Variants in CACNA2D3 observed in about 807,000 individuals in gnomAD.
CACNA2D3 encodes the protein voltage-dependent calcium channel subunit alpha-2/delta-3.
CACNA2D3 carries 60 observed loss-of-function variants against 160.6 expected under a neutral mutation model. The ratio of observed to expected loss-of-function variants is 0.37; its 90% CI spans 0.30 to 0.46. The LOEUF (loss-of-function observed/expected upper bound fraction) is 0.46, where lower values mean the gene tolerates loss of function less well. CACNA2D3 is among the 20% of genes least tolerant of loss of function. CACNA2D3 has a pLI of 1.00. For missense variants in CACNA2D3, 1,205 were observed against 1,365.0 expected, an observed-to-expected ratio of 0.88 and a Z score of 1.85; for synonymous variants, 558 against 492.9, an observed-to-expected ratio of 1.13 and a Z score of -1.75.
intron 2 of CACNA2D3, among the ~76,000 whole-genome samples, chr3:54,317,895 A>G (rs1306451009): frequency 6.6e-6 from 1 of 152,196 alleles, no homozygotes; most frequent in African/African-American, 2.4e-5. Context: ...CTCCTGTGAT[A>G]ACAGCATTAA....
chr3:55,003,759 A>G (rs531417542), intron 31 of CACNA2D3, among the ~76,000 whole-genome samples: 21 of 152,296 alleles, frequency 1.4e-4, no homozygotes, highest in South Asian at 6.2e-4. Context: ...TTAATTTTCA[A>G]TCTCTTCCTC....
chr3:54,993,917 TGTG>T (rs1245720476), intron 31 of CACNA2D3, among the ~76,000 whole-genome samples: 9 of 148,346 alleles, frequency 6.1e-5, no homozygotes, highest in African/African-American at 2.0e-4. Flanking sequence ...TGTGTGTGTG[TGTG>T]TTTTGTGTGT....
chr3:55,074,091 C>T (rs770634091), intron 37 of CACNA2D3, 23 bp from the exon 38 acceptor site: 51 of 1,601,716 alleles, frequency 3.2e-5, no homozygotes, highest in Non-Finnish European at 2.6e-6. Context: ...TTCCGTCTAA[C>T]CAACCCCTGC....
intron 3 of CACNA2D3, chr3:54,367,564 G>C: frequency 2.7e-6 from 1 of 370,216 alleles, no homozygotes; most frequent in South Asian, 2.0e-5. Flanking sequence ...CATCAGAGTG[G>C]TAAAAACACC....
chr3:54,684,110 G>A (rs566314940), intron 11 of CACNA2D3, among the ~76,000 whole-genome samples: 40 of 151,436 alleles, frequency 2.6e-4, no homozygotes, highest in Non-Finnish European at 5.3e-4. Flanking sequence ...AGCACACGCC[G>A]CAACCATGCC....
rs556311625 is a variant in CACNA2D3, at chr3:54,219,910, AC to A, written c.204+96317del. Among the ~76,000 whole-genome samples, 6 of 152,244 alleles carry A rather than the reference AC, an allele frequency of 3.9e-5. No individual in the cohort carries two copies. The South Asian group carries it at 1.3e-3, about 32-fold the overall frequency. On this transcript the variant is annotated intron_variant, in intron 2 of 37. Transcript: ENST00000474759. Reference sequence around the variant, plus strand: ...AAGAATTCTTCTTAATTAAAAAAAAACTACTATCTTTCCTTACTAACCGAGA... The same window carrying A: ...AAGAATTCTTCTTAATTAAAAAAAAATACTATCTTTCCTTACTAACCGAGA...
chr3:54,323,683 G>T (rs191397389), intron 3 of CACNA2D3, among the ~76,000 whole-genome samples: 1 of 152,054 alleles, frequency 6.6e-6, no homozygotes, highest in Non-Finnish European at 1.5e-5. Context: ...AGCCAGGATG[G>T]TCTCGATCTC....
intron 17 of CACNA2D3, among the ~76,000 whole-genome samples, chr3:54,870,882 A>AT (rs2106819345): frequency 1.3e-5 from 2 of 152,258 alleles, no homozygotes; most frequent in Non-Finnish European, 2.9e-5. Flanking sequence ...AGCTCTGGAG[A>AT]TCAGTGCTTT....
intron 29 of CACNA2D3, among the ~76,000 whole-genome samples, chr3:54,980,132 T>C (rs1276233032): frequency 6.6e-6 from 1 of 152,220 alleles, no homozygotes; most frequent in African/African-American, 2.4e-5. Flanking sequence ...AGTTTTACCT[T>C]TGCATTAGTG....
At chr3:54,744,074 T>TA (rs1468600522) in intron 11 of CACNA2D3, among the ~76,000 whole-genome samples, 1 of 152,202 alleles carries the variant, frequency 6.6e-6, no homozygotes, top group Non-Finnish European at 1.5e-5. Flanking sequence ...CAGTGATGCC[T>TA]ATTCTGTCTC....
At chr3:54,578,884 C>T (rs763524300) in intron 8 of CACNA2D3, among the ~76,000 whole-genome samples, 9 of 152,222 alleles carry the variant, frequency 5.9e-5, no homozygotes, top group Non-Finnish European at 1.2e-4. Flanking sequence ...AGTTTCAGGT[C>T]TGTTGCCTCA....
At chr3:54,733,961 G>GAA (rs1031906029) in intron 11 of CACNA2D3, among the ~76,000 whole-genome samples, 1 of 143,652 alleles carries the variant, frequency 7.0e-6, no homozygotes. Context: ...CAGTGAGATT[G>GAA]AAAAAAAAAA....
At chr3:54,602,305 C>T (rs1703074996) in intron 9 of CACNA2D3, among the ~76,000 whole-genome samples, 1 of 152,022 alleles carries the variant, frequency 6.6e-6, no homozygotes, top group African/African-American at 2.4e-5. Flanking sequence ...AGAGACCAGC[C>T]TGGCCAACAT....
chr3:54,761,586 A>G (rs547178794), intron 12 of CACNA2D3, among the ~76,000 whole-genome samples: 2 of 152,326 alleles, frequency 1.3e-5, no homozygotes, highest in East Asian at 3.9e-4. Context: ...CTAGAGCAGC[A>G]TTCCAAATGG....
intron 5 of CACNA2D3, among the ~76,000 whole-genome samples, chr3:54,515,441 A>G (rs773327782): frequency 9.9e-5 from 15 of 152,196 alleles, no homozygotes; most frequent in Non-Finnish European, 2.1e-4. Context: ...GAACACAGCT[A>G]TCTGATAAAA....
At chr3:54,227,569 CG>C (rs1319263275) in intron 2 of CACNA2D3, among the ~76,000 whole-genome samples, 3 of 92,050 alleles carry the variant, frequency 3.3e-5, no homozygotes, top group Admixed American at 2.6e-4. Flanking sequence ...GGGGAGGGGG[CG>C]GGGGGGCAGA....
At chr3:55,060,657 G>T (rs1303284257) in intron 35 of CACNA2D3, among the ~76,000 whole-genome samples, 1 of 152,036 alleles carries the variant, frequency 6.6e-6, no homozygotes, top group African/African-American at 2.4e-5. Flanking sequence ...TATAAGAAAA[G>T]ACATTAATAG....
At chr3:54,285,310 G>A (rs865874566) in intron 2 of CACNA2D3, among the ~76,000 whole-genome samples, 22 of 152,164 alleles carry the variant, frequency 1.4e-4, no homozygotes, top group Admixed American at 5.2e-4. Flanking sequence ...AGGGTCCTAC[G>A]CCCACGAAGT....
chr3:54,275,371 A>C (rs1702712395), intron 2 of CACNA2D3, among the ~76,000 whole-genome samples: 1 of 150,960 alleles, frequency 6.6e-6, no homozygotes, highest in African/African-American at 2.4e-5. Context: ...TGAAACTTAG[A>C]TTTTTTCTTA....
Sources: allele counts gnomAD v4.1 joint callset (sites outside exome capture counted in the v4.1 genomes callset), GRCh38; gene constraint gnomAD v4.1.1; transcripts MANE v1.5; gene names NCBI Gene and HGNC (gene_info 2026-07-23, HGNC 2026-07-21).